Variants in ARL15 observed in about 807,000 individuals in gnomAD.
ARL15 encodes the protein ARF like GTPase 15, also known as ADP-ribosylation factor-like protein 15.
Under a neutral mutation model 25.2 loss-of-function variants are expected in ARL15, and 19 were observed. That is an observed-to-expected ratio of 0.75 (90% CI 0.53 to 1.10). ARL15 has a LOEUF of 1.10. Ranked by LOEUF, ARL15 falls within the 50% of genes least tolerant of loss-of-function variation. ARL15 has a pLI of 0.00. For synonymous variants in ARL15, 94 were observed against 86.8 expected (o/e 1.08, Z -0.46); for missense variants, 220 against 246.0 (o/e 0.89, Z 0.71).
chr5:54,296,899 T>C (rs1280695518), intron 1 of ARL15, among the ~76,000 whole-genome samples: 1 of 152,182 alleles, frequency 6.6e-6, no homozygotes, highest in Admixed American at 6.5e-5. Context: ...ACCACCACTG[T>C]GGCAGAGGGT....
At chr5:54,238,928 C>A (rs1009116339) in intron 1 of ARL15, among the ~76,000 whole-genome samples, 82 of 152,284 alleles carry the variant, frequency 5.4e-4, no homozygotes, top group African/African-American at 1.8e-3. Flanking sequence ...TAATCCATAG[C>A]AATCATCCTG....
At chr5:54,118,891 C>T (rs887152132) in intron 3 of ARL15, among the ~76,000 whole-genome samples, 10 of 152,208 alleles carry the variant, frequency 6.6e-5, no homozygotes, top group African/African-American at 2.4e-4. Flanking sequence ...CAAAGTTCTA[C>T]GTACCATACA....
chr5:53,897,102 T>C (rs1417584240), intron 4 of ARL15, among the ~76,000 whole-genome samples: 1 of 152,210 alleles, frequency 6.6e-6, no homozygotes, highest in Non-Finnish European at 1.5e-5. Flanking sequence ...ATAATTTGTA[T>C]ACTATAAAAT....
chr5:54,124,026 A>G (rs1249793171), intron 3 of ARL15, among the ~76,000 whole-genome samples: 2 of 152,176 alleles, frequency 1.3e-5, no homozygotes, highest in Non-Finnish European at 2.9e-5. Flanking sequence ...GAACACACTC[A>G]GGAGAAAAGG....
intron 1 of ARL15, among the ~76,000 whole-genome samples, chr5:54,294,525 G>A (rs1007338260): frequency 6.6e-6 from 1 of 152,154 alleles, no homozygotes; most frequent in Non-Finnish European, 1.5e-5. Context: ...AGAAGGGAAG[G>A]TAGGGCTTTT....
At chr5:54,256,918 G>A (rs992705758) in intron 1 of ARL15, among the ~76,000 whole-genome samples, 2 of 152,172 alleles carry the variant, frequency 1.3e-5, no homozygotes, top group African/African-American at 4.8e-5. Flanking sequence ...AACAAACTAT[G>A]CATAGATGGA....
At chr5:54,261,765 C>T (rs1757502778) in intron 1 of ARL15, among the ~76,000 whole-genome samples, 1 of 152,046 alleles carries the variant, frequency 6.6e-6, no homozygotes, top group African/African-American at 2.4e-5. Flanking sequence ...CACACACACA[C>T]ACCCCATGAC....
chr5:53,981,989 C>T (rs183717032), intron 4 of ARL15, among the ~76,000 whole-genome samples: 1 of 151,844 alleles, frequency 6.6e-6, no homozygotes, highest in African/African-American at 2.4e-5. Flanking sequence ...GAGGAAGCTA[C>T]CTGAGGCTTA....
At chr5:54,110,122 C>G (rs156696) in intron 4 of ARL15, among the ~76,000 whole-genome samples, 133,857 of 152,000 alleles carry the variant, frequency 0.88, 59,166 homozygotes, top group East Asian at 0.98. Flanking sequence ...GTTGCCCTCT[C>G]TCTGTGGGTT....
intron 4 of ARL15, among the ~76,000 whole-genome samples, chr5:53,917,535 T>C (rs539595951): frequency 1.3e-5 from 2 of 152,288 alleles, no homozygotes; most frequent in African/African-American, 4.8e-5. Context: ...AGTCTCTGCC[T>C]TCACAGAGCA....
At chr5:54,297,161 AG>A (rs1165459979) in intron 1 of ARL15, among the ~76,000 whole-genome samples, 2 of 152,266 alleles carry the variant, frequency 1.3e-5, no homozygotes, top group African/African-American at 4.8e-5. Flanking sequence ...TTCTACTAAG[AG>A]GGGTTGCACT....
intron 1 of ARL15, among the ~76,000 whole-genome samples, chr5:54,299,651 G>A (rs1052493595): frequency 8.6e-5 from 12 of 139,004 alleles, no homozygotes; most frequent in African/African-American, 2.7e-4. Context: ...ATGCAGTGGC[G>A]CAATCTCGGC....
chr5:54,033,852 C>T (rs1157254373), intron 4 of ARL15, among the ~76,000 whole-genome samples: 5 of 152,044 alleles, frequency 3.3e-5, no homozygotes, highest in East Asian at 3.9e-4. Context: ...CTCGCTTTGT[C>T]GCCCAGGCTG....
chr5:53,904,920 G>C (rs1745191268), intron 4 of ARL15, among the ~76,000 whole-genome samples: 1 of 151,910 alleles, frequency 6.6e-6, no homozygotes, highest in South Asian at 2.1e-4. Flanking sequence ...TAGAGATGGG[G>C]TTTTGCCATG....
At chr5:53,978,637 G>GAAAAAAAA (rs58627905) in intron 4 of ARL15, among the ~76,000 whole-genome samples, 1 of 125,880 alleles carries the variant, frequency 7.9e-6, no homozygotes. Flanking sequence ...AAAAAAAAAA[G>GAAAAAAAA]AAAAGAAAAG....
At chr5:54,225,096 G>C (rs1249842695) in intron 1 of ARL15, among the ~76,000 whole-genome samples, 1 of 152,160 alleles carries the variant, frequency 6.6e-6, no homozygotes, top group Non-Finnish European at 1.5e-5. Flanking sequence ...TTGCTGTAAA[G>C]ATGAGACAAG....
chr5:54,302,900 G>A (rs1941439531), intron 1 of ARL15, among the ~76,000 whole-genome samples: 1 of 151,768 alleles, frequency 6.6e-6, no homozygotes, highest in African/African-American at 2.4e-5. Flanking sequence ...TGGGACATTT[G>A]GGGAGATGAC....
intron 1 of ARL15, among the ~76,000 whole-genome samples, chr5:54,244,521 G>A (rs1454577966): frequency 3.3e-5 from 5 of 152,102 alleles, no homozygotes; most frequent in Non-Finnish European, 7.4e-5. Flanking sequence ...TTCTAAAACG[G>A]GAAAAAAAGG....
At chr5:54,124,896 C>T (rs1753196793) in intron 3 of ARL15, among the ~76,000 whole-genome samples, 3 of 152,020 alleles carry the variant, frequency 2.0e-5, no homozygotes, top group African/African-American at 7.3e-5. Flanking sequence ...TCCAATGATC[C>T]CCACTTCTTG....
Sources: allele counts gnomAD v4.1 joint callset (sites outside exome capture counted in the v4.1 genomes callset), GRCh38; gene constraint gnomAD v4.1.1; transcripts MANE v1.5; gene names NCBI Gene and HGNC (gene_info 2026-07-23, HGNC 2026-07-21).